PHC3: variants seen among roughly 807,000 people sequenced by gnomAD.
PHC3 encodes the protein polyhomeotic homolog 3.
Under a neutral mutation model 107.4 loss-of-function variants are expected in PHC3, and 13 were observed. The ratio of observed to expected loss-of-function variants is 0.12; its 90% CI spans 0.08 to 0.19. The LOEUF (loss-of-function observed/expected upper bound fraction) is 0.19. Ranked by LOEUF, PHC3 falls within the 10% of genes least tolerant of loss-of-function variation. The probability of loss-of-function intolerance (pLI) is 1.00; values close to 1 mark genes in which losing one functional copy is unlikely to be tolerated. For missense variants in PHC3, 992 were observed against 1,210.9 expected (o/e 0.82, Z 2.68); for synonymous variants, 456 against 427.4 (o/e 1.07, Z -0.83).
rs1400475303 is a variant in PHC3 at position 170,129,594 on chromosome 3, TAC to T, written c.920-44_920-43del. 3 of 1,532,972 alleles carry T rather than the reference TAC, an allele frequency of 2.0e-6. No homozygotes were observed. The East Asian group carries it at 6.8e-5, about 35-fold the overall frequency. 95.0% of individuals were successfully genotyped at this position (1,532,972 alleles called of 1,614,324 possible). ...TGACAATTAGTACTGATTTCAAAAA[TAC>T]AGAAATTTTTAAATCACTCTAAAGG... On this transcript the variant is annotated intron_variant, in intron 7 of 14. Coordinates refer to ENST00000495893, the MANE Select transcript of PHC3 (RefSeq NM_024947.4).
Position 170,113,539 on chromosome 3 carries a change from A to G in PHC3, c.2194-20T>C. ...ACTCACCTTTAAAAAAGGAGAAATA[A>G]TAAAATGAAACAATCTCCAAAAAGA... is the stretch of plus-strand genomic sequence containing the variant. On this transcript the variant is annotated intron_variant, in intron 10 of 14. Coordinates refer to ENST00000495893, the MANE Select transcript of PHC3 (RefSeq NM_024947.4). 6.3e-7 allele frequency: 1 copy of G among 1,574,860 alleles called. No homozygotes were observed. Among genetic ancestry groups the G allele is most frequent in the Non-Finnish European group, 8.6e-7 (1 of 1,164,184 alleles).
rs755639949 is a variant in PHC3, at chr3:170,117,344, G to T, written c.2075C>A (p.Ser692Tyr). ...TATACTGGGAATGCTACTGTGCATAGATGTACTGTTACTCCTTGTGGTGGC... is the reference window on the plus strand; with the variant it reads ...TATACTGGGAATGCTACTGTGCATATATGTACTGTTACTCCTTGTGGTGGC... Reference protein sequence around the residue: ...PAATTRSNSTSMHSSIPSIEN... With the variant: ...PAATTRSNSTYMHSSIPSIEN... Residue 692 changes from serine (S) to tyrosine (Y), a missense_variant, in exon 10 of 15, where the codon TCT (serine) becomes TAT (tyrosine). Ser to Tyr is a moderately radical substitution (Grantham distance 144). This residue lies in a region of PHC3 where 543 missense variants were observed against 590.8 expected (regional missense o/e 0.92). Coordinates refer to ENST00000495893, the MANE Select transcript of PHC3 (RefSeq NM_024947.4). 8.7e-6 allele frequency: 14 copies of T among 1,613,936 alleles called. No homozygotes were observed. The Admixed American group carries it at 2.3e-4, about 27-fold the overall frequency.
At chr3:170,178,964 A>G in intron 1 of PHC3, 26 bp from the exon 2 acceptor site, 2 of 1,591,912 alleles carry the variant, frequency 1.3e-6, no homozygotes, top group Non-Finnish European at 1.7e-6. Context: ...AAGTGTTTGT[A>G]TTGGTAAAAG....
At position 170,128,694 on chromosome 3, in the gene PHC3, T is replaced by A. The variant is rs1350030740; in HGVS notation, c.1778A>T (p.Asp593Val). 1 of 1,613,830 alleles carries A rather than the reference T, an allele frequency of 6.2e-7. No individual in the cohort carries two copies. The highest frequency in any genetic ancestry group is 1.7e-5 in the Admixed American group (1 of 60,000). The change falls in exon 8 of 15, where the codon GAT (aspartate) becomes GTT (valine). Residue 593 changes from aspartate (D) to valine (V), a missense_variant. Asp to Val is a radical substitution (Grantham distance 152). Transcript: ENST00000495893. ...NLQVQPPAPV[D>V]PPVVYQVEDV... ...CTTCCAAGGGCTTACCACTGGTGGA[T>A]CAACAGGTGCTGGTGGTTGCACTTG...
At chr3:170,135,774 C>G (rs1722974401) in intron 7 of PHC3, among the ~76,000 whole-genome samples, 1 of 151,900 alleles carries the variant, frequency 6.6e-6, no homozygotes, top group African/African-American at 2.4e-5. Flanking sequence ...AAATTCAATC[C>G]TGAGAAATTC....
intron 10 of PHC3, among the ~76,000 whole-genome samples, chr3:170,116,883 C>T (rs1349562898): frequency 6.7e-6 from 1 of 149,700 alleles, no homozygotes; most frequent in African/African-American, 2.5e-5. Context: ...TGCACTCTAG[C>T]CTGGTCAACA....
chr3:170,154,193 G>C (rs936567751), intron 4 of PHC3, among the ~76,000 whole-genome samples: 17 of 152,086 alleles, frequency 1.1e-4, no homozygotes, highest in African/African-American at 4.1e-4. Flanking sequence ...ATCTACGAAA[G>C]GTCTTCATTC....
chr3:170,163,756 G>A (rs1021539924), intron 4 of PHC3, among the ~76,000 whole-genome samples: 4 of 151,266 alleles, frequency 2.6e-5, no homozygotes, highest in African/African-American at 9.7e-5. Context: ...CCAGCTATTC[G>A]GGAGGCTGAC....
intron 4 of PHC3, among the ~76,000 whole-genome samples, chr3:170,154,551 T>C (rs747523759): frequency 1.3e-4 from 20 of 152,248 alleles, no homozygotes; most frequent in Non-Finnish European, 2.8e-4. Flanking sequence ...GATTGGCTGA[T>C]AGCTAACAAG....
At chr3:170,128,146 T>C (rs1236708540) in intron 8 of PHC3, among the ~76,000 whole-genome samples, 1 of 152,184 alleles carries the variant, frequency 6.6e-6, no homozygotes, top group East Asian at 1.9e-4. Context: ...GAATAATTTT[T>C]TTTTTACAAA....
Position 170,090,460 on chromosome 3 carries a change from A to G in PHC3, c.*6770T>C, listed in dbSNP as rs774419094. The G allele has an allele frequency of 6.6e-6, 1 of 152,204 alleles. No homozygotes were observed. The highest frequency in any genetic ancestry group is 1.5e-5 in the Non-Finnish European group (1 of 68,030). 9.4% of individuals were successfully genotyped at this position (152,204 alleles called of 1,614,324 possible). A position where few individuals can be genotyped will look rare whatever the true frequency, so the allele number is the denominator to read the frequency against. ...TTTAAGTACATGAATGACAATATTC[A>G]TATGTGTTCATATATTCAGTGGTTA... On this transcript the variant is annotated 3_prime_UTR_variant, in exon 15 of 15. Coordinates refer to ENST00000495893, the MANE Select transcript of PHC3 (RefSeq NM_024947.4).
chr3:170,136,616 G>A lies in PHC3; in HGVS notation c.722C>T (p.Ser241Leu). The change falls in exon 7 of 15, where the codon TCA (serine) becomes TTA (leucine). Residue 241 changes from serine (S) to leucine (L), a missense_variant. By Grantham distance (145) the Ser-to-Leu change is moderately radical (BLOSUM62 -2). Transcript: ENST00000495893. ...AGTGCTTTTTGGTGGACCATTCTGT[G>A]AGCTAGATAATACACCCAACTTCTG... is the stretch of plus-strand genomic sequence containing the variant. Reference protein sequence around the residue: ...RSQKLGVLSSSQNGPPKSTSQ... With the variant: ...RSQKLGVLSSLQNGPPKSTSQ... 1.2e-6 allele frequency: 2 copies of A among 1,613,678 alleles called. No individual in the cohort carries two copies. Among genetic ancestry groups the A allele is most frequent in the Non-Finnish European group, 8.5e-7 (1 of 1,179,782 alleles).
chr3:170,171,545 A>C, intron 3 of PHC3, 95 bp from the exon 4 acceptor site: 2 of 823,660 alleles, frequency 2.4e-6, no homozygotes, highest in Non-Finnish European at 3.8e-6. Flanking sequence ...AATAAATGTC[A>C]AAAGGCCTAT....
chr3:170,145,717 TG>T (rs1724825064), intron 5 of PHC3, among the ~76,000 whole-genome samples, 196 bp from the exon 6 acceptor site: 1 of 152,158 alleles, frequency 6.6e-6, no homozygotes, highest in Non-Finnish European at 1.5e-5. Flanking sequence ...TAAACATTTT[TG>T]AAACAGCTCA....
intron 6 of PHC3, among the ~76,000 whole-genome samples, chr3:170,142,289 G>C (rs979327623): frequency 6.6e-6 from 1 of 151,856 alleles, no homozygotes; most frequent in Non-Finnish European, 1.5e-5. Flanking sequence ...AGAGGTTAAG[G>C]ACTTATAATA....
chr3:170,154,359 C>T (rs538112405), intron 4 of PHC3, among the ~76,000 whole-genome samples: 1 of 152,182 alleles, frequency 6.6e-6, no homozygotes, highest in East Asian at 1.9e-4. Context: ...TTTTGGCATT[C>T]GGGGTACTTT....
At chr3:170,122,849 A>G in intron 8 of PHC3, 105 bp from the exon 9 acceptor site, 1 of 1,339,496 alleles carries the variant, frequency 7.5e-7, no homozygotes, top group Non-Finnish European at 1.0e-6. Flanking sequence ...ATTTAAAAAC[A>G]AGGCAAAAAT....
rs1354869430 is a variant in PHC3, at chr3:170,088,257, A to T, written c.*8973T>A. 1 of 152,224 alleles carries T rather than the reference A, an allele frequency of 6.6e-6. No homozygotes were observed. Among genetic ancestry groups the T allele is most frequent in the Non-Finnish European group, 1.5e-5 (1 of 68,018 alleles). 9.4% of individuals were successfully genotyped at this position (152,224 alleles called of 1,614,324 possible). A position where few individuals can be genotyped will look rare whatever the true frequency, so the allele number is the denominator to read the frequency against. On this transcript the variant is annotated 3_prime_UTR_variant, in exon 15 of 15. Coordinates refer to ENST00000495893, the MANE Select transcript of PHC3 (RefSeq NM_024947.4). ...AATAATATGAAAGTCCTATTTTAGA[A>T]CAATGGGAGGAACCAAAAGGGGAAT...
rs745453862 is a variant in PHC3, at chr3:170,102,604, T to C, written c.2708A>G (p.Glu903Gly). The C allele has an allele frequency of 3.5e-5, 56 of 1,613,846 alleles. No individual in the cohort carries two copies. Among genetic ancestry groups the C allele is most frequent in the Non-Finnish European group, 4.6e-5 (54 of 1,179,870 alleles). ...AATTCTCACATCCCGAAGCTCACGTTCTCTTTCCCGCTCGCTCTGCCTGCG... is the reference window on the plus strand; with the variant it reads ...AATTCTCACATCCCGAAGCTCACGTCCTCTTTCCCGCTCGCTCTGCCTGCG... Reference protein sequence around the residue: ...RLRRQSERERERELRDVRIRK... With the variant: ...RLRRQSERERGRELRDVRIRK... Residue 903 changes from glutamate to glycine, a missense_variant, in exon 14 of 15, where the codon GAA becomes GGA. Transcript: ENST00000495893.
Sources: gnomAD v4.1 joint callset for allele counts (sites outside exome capture counted in the v4.1 genomes callset) on GRCh38, gnomAD v4.1.1 for gene constraint, gnomAD v4.1.1 regional missense constraint, MANE v1.5 for transcripts, NCBI Gene and HGNC (gene_info 2026-07-23, HGNC 2026-07-21) for gene names.